The following LRRTM4 variants were observed in gnomAD, a reference collection of about 807,000 sequenced individuals.
LRRTM4 encodes leucine-rich repeat transmembrane neuronal protein 4.
In LRRTM4, 25 loss-of-function variants were observed where a neutral mutation model predicts 47.6. The observed-to-expected ratio is 0.53, with a 90% CI of 0.38 to 0.73. The LOEUF (loss-of-function observed/expected upper bound fraction) is 0.73, where lower values mean the gene tolerates loss of function less well. Ranked by LOEUF, LRRTM4 falls within the 30% of genes least tolerant of loss-of-function variation. The pLI, the probability that LRRTM4 is intolerant of heterozygous loss-of-function variation, is 0.00. For synonymous variants in LRRTM4, 311 were observed against 269.5 expected, an observed-to-expected ratio of 1.15 and a Z score of -1.51; for missense variants, 638 against 713.4, an observed-to-expected ratio of 0.89 and a Z score of 1.20.
At chr2:77,235,080 G>T (rs1352678464) in intron 3 of LRRTM4, among the ~76,000 whole-genome samples, 1 of 152,086 alleles carries the variant, frequency 6.6e-6, no homozygotes, top group African/African-American at 2.4e-5. Context: ...TTACATGGCT[G>T]CATAGCATTC....
intron 3 of LRRTM4, among the ~76,000 whole-genome samples, chr2:77,370,171 G>A (rs1672608358): frequency 6.6e-6 from 1 of 151,674 alleles, no homozygotes; most frequent in Non-Finnish European, 1.5e-5. Flanking sequence ...GAAGACTGGA[G>A]TTGAGAAACT....
At chr2:77,034,157 A>C (rs1678758738) in intron 3 of LRRTM4, among the ~76,000 whole-genome samples, 1 of 151,850 alleles carries the variant, frequency 6.6e-6, no homozygotes, top group Non-Finnish European at 1.5e-5. Context: ...AAATTTGGAA[A>C]ATTTTCATTA....
At chr2:77,445,350 C>CATTTTCCCTGCCTCTGGGAAAGT (rs1676010812) in intron 3 of LRRTM4, among the ~76,000 whole-genome samples, 1 of 151,824 alleles carries the variant, frequency 6.6e-6, no homozygotes, top group African/African-American at 2.4e-5. Context: ...CAGTTTTCAC[C>CATTTTCCCTGCCTCTGGGAAAGT]ATTTTCCCTG....
At chr2:77,085,192 T>C (rs7573274) in intron 3 of LRRTM4, among the ~76,000 whole-genome samples, 38,150 of 151,728 alleles carry the variant, frequency 0.25, 5,200 homozygotes, top group African/African-American at 0.37. Flanking sequence ...TGGTCTTTAA[T>C]ACATTTTATT....
intron 3 of LRRTM4, among the ~76,000 whole-genome samples, chr2:77,370,075 A>G (rs2103766729): frequency 6.6e-6 from 1 of 151,892 alleles, no homozygotes; most frequent in Non-Finnish European, 1.5e-5. Flanking sequence ...TGCATAATGC[A>G]GGGGATTCCT....
chr2:77,031,667 G>C lies in LRRTM4; in HGVS notation c.1552-282751C>G, dbSNP rs994488451. ...TCACATGGTTTAAAATGTCACCTAT[G>C]TCTGATGACACCCAAATGAACGTCT... On this transcript the variant is annotated intron_variant, in intron 3 of 3. Coordinates refer to ENST00000409884, the MANE Select transcript of LRRTM4 (RefSeq NM_001134745.3). Among the ~76,000 whole-genome samples, 10 of 152,236 alleles carry C rather than the reference G, an allele frequency of 6.6e-5. No individual in the cohort carries two copies. In the South Asian group the frequency reaches 2.1e-3, roughly 32 times the overall value.
At chr2:77,394,526 G>A (rs1347545566) in intron 3 of LRRTM4, among the ~76,000 whole-genome samples, 1 of 151,886 alleles carries the variant, frequency 6.6e-6, no homozygotes. Context: ...GACAGGCTGG[G>A]AAAAGAAGCC....
intron 3 of LRRTM4, among the ~76,000 whole-genome samples, chr2:77,092,075 G>A (rs367724666): frequency 1.8e-4 from 27 of 151,740 alleles, no homozygotes; most frequent in Admixed American, 7.2e-4. Flanking sequence ...ATCACAAACT[G>A]TGCTCAACTC....
chr2:77,328,093 T>G (rs1011726441), intron 3 of LRRTM4, among the ~76,000 whole-genome samples: 3 of 152,194 alleles, frequency 2.0e-5, no homozygotes, highest in African/African-American at 4.8e-5. Context: ...TCTTACTACA[T>G]ACTGTGCTAA....
At chr2:76,807,459 CATATATATATACAT>C (rs1430468279) in intron 3 of LRRTM4, among the ~76,000 whole-genome samples, 18 of 85,596 alleles carry the variant, frequency 2.1e-4, no homozygotes, top group Admixed American at 6.0e-4. Context: ...TATATATATA[CATATATATATACAT>C]ATATATATAT....
chr2:77,251,224 TATA>T (rs1675605240), intron 3 of LRRTM4, among the ~76,000 whole-genome samples: 3 of 74,058 alleles, frequency 4.1e-5, no homozygotes, highest in African/African-American at 1.6e-4. Flanking sequence ...TATGTGTATA[TATA>T]CATATAGGTG....
At chr2:77,184,839 CT>C (rs1283166737) in intron 3 of LRRTM4, among the ~76,000 whole-genome samples, 1 of 152,076 alleles carries the variant, frequency 6.6e-6, no homozygotes, top group East Asian at 1.9e-4. Flanking sequence ...ACTCTGGTAT[CT>C]TTTTTACTTC....
chr2:76,984,657 T>C lies in LRRTM4; in HGVS notation c.1552-235741A>G, dbSNP rs191417361. 2.2e-3 allele frequency among the ~76,000 whole-genome samples: 329 copies of C among 152,032 alleles called. 7 individuals are homozygous for C. Among genetic ancestry groups the C allele is most frequent in the African/African-American group, 7.7e-3 (319 of 41,526 alleles). On this transcript the variant is annotated intron_variant, in intron 3 of 3. Transcript: ENST00000409884. Reference sequence around the variant, plus strand: ...AGGTCAAGGACTGACACATTAAGATTGGAAGATCAGAAAAACAACAGAAGC... The same window carrying C: ...AGGTCAAGGACTGACACATTAAGATCGGAAGATCAGAAAAACAACAGAAGC...
chr2:77,161,486 G>A (rs1051605326), intron 3 of LRRTM4, among the ~76,000 whole-genome samples: 3 of 152,244 alleles, frequency 2.0e-5, no homozygotes, highest in East Asian at 3.9e-4. Flanking sequence ...TCTTTATAGT[G>A]ATACTTGTTG....
At chr2:76,973,689 G>C (rs141556536) in intron 3 of LRRTM4, among the ~76,000 whole-genome samples, 1 of 151,850 alleles carries the variant, frequency 6.6e-6, no homozygotes, top group Non-Finnish European at 1.5e-5. Context: ...ACCCATTTAC[G>C]TAATTTTCCA....
chr2:76,812,571 T>C (rs1047336775), intron 3 of LRRTM4, among the ~76,000 whole-genome samples: 9 of 152,158 alleles, frequency 5.9e-5, no homozygotes, highest in Non-Finnish European at 1.0e-4. Flanking sequence ...AGAGCCTGTA[T>C]TACCAAGAGA....
intron 3 of LRRTM4, among the ~76,000 whole-genome samples, chr2:77,376,328 G>A (rs778662253): frequency 6.6e-6 from 1 of 151,204 alleles, no homozygotes; most frequent in Non-Finnish European, 1.5e-5. Flanking sequence ...TTCACAAAAC[G>A]ATATTACATT....
At chr2:77,443,664 C>T (rs1573422037) in intron 3 of LRRTM4, among the ~76,000 whole-genome samples, 1 of 152,022 alleles carries the variant, frequency 6.6e-6, no homozygotes, top group African/African-American at 2.4e-5. Context: ...TTTTTAATTC[C>T]ATGGTTCAAG....
At chr2:77,446,172 G>A (rs1009853719) in intron 3 of LRRTM4, among the ~76,000 whole-genome samples, 8 of 152,114 alleles carry the variant, frequency 5.3e-5, no homozygotes, top group African/African-American at 1.9e-4. Context: ...GTTTATTTTA[G>A]TAAATAAAAT....
Sources: allele counts gnomAD v4.1 joint callset (sites outside exome capture counted in the v4.1 genomes callset), GRCh38; gene constraint gnomAD v4.1.1; transcripts MANE v1.5; gene names NCBI Gene and HGNC (gene_info 2026-07-23, HGNC 2026-07-21).